The following BICDL1 variants were observed in gnomAD, a reference collection of about 807,000 sequenced individuals.
BICDL1 encodes BICD family-like cargo adapter 1.
In BICDL1, 20 loss-of-function variants were observed where a neutral mutation model predicts 76.8. The ratio of observed to expected loss-of-function variants is 0.26; its 90% confidence interval spans 0.18 to 0.38. BICDL1 has a LOEUF of 0.38. Ranked by LOEUF, BICDL1 falls within the 10% of genes least tolerant of loss-of-function variation. The probability of loss-of-function intolerance (pLI) is 1.00; values close to 1 mark genes in which losing one functional copy is unlikely to be tolerated. For missense variants in BICDL1, 700 were observed against 798.6 expected, an observed-to-expected ratio of 0.88 and a Z score of 1.49; for synonymous variants, 383 against 337.1, an observed-to-expected ratio of 1.14 and a Z score of -1.49.
At position 120,010,746 on chromosome 12, in the gene BICDL1, T is replaced by A. The variant is rs183916065; in HGVS notation, c.645+12010T>A. On this transcript the variant is annotated intron_variant, in intron 2 of 9. Coordinates refer to ENST00000548673, the MANE Select transcript of BICDL1 (RefSeq NM_001367886.1). Reference sequence around the variant, plus strand: ...ATTTGAGGGAAAAAGTGTTTTTTTTTATCTGAGTTTAAAGAAAAATGATGT... The same window carrying A: ...ATTTGAGGGAAAAAGTGTTTTTTTTAATCTGAGTTTAAAGAAAAATGATGT... Among the ~76,000 whole-genome samples the A allele has an allele frequency of 3.2e-3, 490 of 152,276 alleles. 4 individuals are homozygous for A. Among genetic ancestry groups the A allele is most frequent in the African/African-American group, 9.3e-3 (387 of 41,546 alleles).
At chr12:120,057,903 A>T (rs973179762) in intron 2 of BICDL1, among the ~76,000 whole-genome samples, 4 of 136,472 alleles carry the variant, frequency 2.9e-5, no homozygotes, top group African/African-American at 1.1e-4. Context: ...CGATCTCGGC[A>T]CGCTGCAAGC....
chr12:120,041,954 A>G (rs1473510984), intron 2 of BICDL1, among the ~76,000 whole-genome samples: 8 of 152,118 alleles, frequency 5.3e-5, no homozygotes, highest in Admixed American at 5.2e-4. Flanking sequence ...GAAAGCTTCT[A>G]GAGGGTTTTG....
chr12:119,992,303 G>C (rs1226313423), intron 1 of BICDL1: 2 of 152,182 alleles, frequency 1.3e-5, no homozygotes, highest in Non-Finnish European at 2.9e-5. Flanking sequence ...GACACCTCCG[G>C]TTTAGTTTTC....
intron 3 of BICDL1, among the ~76,000 whole-genome samples, chr12:120,062,192 T>C (rs915591579): frequency 1.3e-4 from 20 of 152,142 alleles, no homozygotes; most frequent in African/African-American, 4.8e-4. Flanking sequence ...ACCTGCAAAA[T>C]GAGAGAAATA....
intron 4 of BICDL1, among the ~76,000 whole-genome samples, chr12:120,070,834 C>G (rs374748117): frequency 6.6e-6 from 1 of 151,458 alleles, no homozygotes; most frequent in South Asian, 2.1e-4. Flanking sequence ...TGGGTTCAAG[C>G]GATTCTCCTG....
At chr12:119,999,266 C>T (rs948154042) in intron 2 of BICDL1, among the ~76,000 whole-genome samples, 1 of 152,102 alleles carries the variant, frequency 6.6e-6, no homozygotes, top group Non-Finnish European at 1.5e-5. Context: ...TTGACAATCA[C>T]TTAACTTGGG....
chr12:120,074,725 G>A (rs1873399930), intron 7 of BICDL1, 139 bp downstream of exon 7: 1 of 674,584 alleles, frequency 1.5e-6, no homozygotes, highest in Non-Finnish European at 1.9e-6. Context: ...ATGGTGACCT[G>A]AAGTTGAGGT....
intron 7 of BICDL1, among the ~76,000 whole-genome samples, chr12:120,080,511 C>T (rs1056113824): frequency 8.6e-5 from 13 of 152,022 alleles, no homozygotes; most frequent in African/African-American, 1.5e-4. Context: ...GGAAAGGGAA[C>T]GGGATTCCCT....
At chr12:120,003,116 C>T (rs1035175786) in intron 2 of BICDL1, among the ~76,000 whole-genome samples, 2 of 151,020 alleles carry the variant, frequency 1.3e-5, no homozygotes, top group African/African-American at 4.9e-5. Context: ...CGAAATTGTG[C>T]CACTGCACTC....
intron 8 of BICDL1, among the ~76,000 whole-genome samples, chr12:120,083,722 C>T (rs1874176700): frequency 6.6e-6 from 1 of 151,778 alleles, no homozygotes; most frequent in South Asian, 2.1e-4. Context: ...AGCAGTGGCA[C>T]GACCTCGTCT....
intron 2 of BICDL1, among the ~76,000 whole-genome samples, chr12:120,003,174 A>C (rs951439843): frequency 5.3e-5 from 8 of 151,450 alleles, no homozygotes; most frequent in African/African-American, 1.9e-4. Flanking sequence ...AAAAAAAAAA[A>C]AACAGTCGGT....
At chr12:120,074,918 G>C (rs1873415668) in intron 7 of BICDL1, among the ~76,000 whole-genome samples, 1 of 152,176 alleles carries the variant, frequency 6.6e-6, no homozygotes, top group Non-Finnish European at 1.5e-5. Context: ...AGCAGTTGCT[G>C]GGCAGGGAAG....
chr12:120,084,647 G>A (rs574412353), intron 8 of BICDL1, among the ~76,000 whole-genome samples: 1 of 152,226 alleles, frequency 6.6e-6, no homozygotes, highest in South Asian at 2.1e-4. Context: ...CCAGCACTAT[G>A]AGAGGCCGAG....
At chr12:119,996,681 T>TACAC (rs10545057) in intron 1 of BICDL1, among the ~76,000 whole-genome samples, 72 of 150,122 alleles carry the variant, frequency 4.8e-4, no homozygotes, top group Middle Eastern at 3.5e-3. Context: ...CATATACAGA[T>TACAC]ACACACACAC....
intron 3 of BICDL1, among the ~76,000 whole-genome samples, chr12:120,063,138 T>C (rs1953141896): frequency 1.3e-5 from 2 of 152,210 alleles, no homozygotes; most frequent in Non-Finnish European, 2.9e-5. Context: ...CAGAATCTTA[T>C]TACCCCATCA....
At chr12:119,991,994 T>C (rs770359962) in intron 1 of BICDL1, among the ~76,000 whole-genome samples, 21 of 152,362 alleles carry the variant, frequency 1.4e-4, no homozygotes, top group Admixed American at 4.6e-4. Flanking sequence ...CAGGTCAGCA[T>C]ATGAACTCTA....
chr12:120,029,834 A>G (rs529064628), intron 2 of BICDL1, among the ~76,000 whole-genome samples: 7 of 152,186 alleles, frequency 4.6e-5, no homozygotes, highest in South Asian at 2.1e-4. Context: ...TTTTAGTACA[A>G]TGGGGTTTCG....
chr12:120,061,935 G>A lies in BICDL1; in HGVS notation c.762+109G>A. On this transcript the variant is annotated intron_variant, in intron 3 of 9. Transcript: ENST00000548673. The stretch of plus-strand genomic sequence containing the variant: ...AAAATCTCTACAGAAAGACATTTCT[G>A]TGCGAAACTAAATGGGAAACATTTG... The A allele has an allele frequency of 5.7e-6, 4 of 702,290 alleles. No individual in the cohort carries two copies. In the East Asian group the frequency reaches 8.1e-5, roughly 14 times the overall value. The allele number at this position is 702,290 out of a possible 1,614,324, so 43.5% of individuals were successfully genotyped here.
chr12:120,056,764 A>G (rs867216338), intron 2 of BICDL1, among the ~76,000 whole-genome samples: 4 of 151,874 alleles, frequency 2.6e-5, no homozygotes, highest in South Asian at 2.1e-4. Flanking sequence ...AGATTTGGGC[A>G]GAGGGTCCTA....
Sources: allele counts gnomAD v4.1 joint callset (sites outside exome capture counted in the v4.1 genomes callset), GRCh38; gene constraint gnomAD v4.1.1; transcripts MANE v1.5; gene names NCBI Gene and HGNC (gene_info 2026-07-23, HGNC 2026-07-21).